The following CDADC1 variants were observed in gnomAD, a reference collection of about 807,000 sequenced individuals.
CDADC1 encodes the protein dCTP deaminase.
Under a neutral mutation model 54.9 loss-of-function variants are expected in CDADC1, and 39 were observed. The observed-to-expected ratio is 0.71, with a 90% CI of 0.55 to 0.93. The LOEUF (loss-of-function observed/expected upper bound fraction) is 0.93. Among genes scored for constraint, CDADC1 ranks in the 40% least tolerant of loss-of-function variants. The probability of loss-of-function intolerance (pLI) is 0.00; values close to 1 mark genes in which losing one functional copy is unlikely to be tolerated. For synonymous variants in CDADC1, 186 were observed against 204.0 expected, an observed-to-expected ratio of 0.91 and a Z score of 0.75; for missense variants, 518 against 618.8, an observed-to-expected ratio of 0.84 and a Z score of 1.73.
At chr13:49,252,205 T>G (rs1952450536) in intron 2 of CDADC1, among the ~76,000 whole-genome samples, 1 of 152,194 alleles carries the variant, frequency 6.6e-6, no homozygotes, top group African/African-American at 2.4e-5. Context: ...TTTCCAGCTG[T>G]GCTCCCATAC....
intron 8 of CDADC1, among the ~76,000 whole-genome samples, chr13:49,285,148 ATTTTCTTTTTC>A (rs1353658214): frequency 6.7e-6 from 1 of 149,482 alleles, no homozygotes; most frequent in African/African-American, 2.5e-5. Flanking sequence ...TCTTGGTCAT[ATTTTCTTTTTC>A]TTTTCTTTTT....
chr13:49,271,907 C>T (rs1305075784), intron 5 of CDADC1, among the ~76,000 whole-genome samples: 2 of 152,196 alleles, frequency 1.3e-5, no homozygotes, highest in Non-Finnish European at 2.9e-5. Flanking sequence ...GAAATTACCT[C>T]ATCTGTCACC....
At chr13:49,279,328 C>T (rs1195014770) in intron 7 of CDADC1, among the ~76,000 whole-genome samples, 3 of 152,030 alleles carry the variant, frequency 2.0e-5, no homozygotes, top group Non-Finnish European at 2.9e-5. Context: ...TGGGAGAGTG[C>T]AAGGGAAAGG....
At chr13:49,286,110 A>G in intron 8 of CDADC1, 112 bp from the exon 9 acceptor site, 1 of 856,760 alleles carries the variant, frequency 1.2e-6, no homozygotes, top group Non-Finnish European at 1.9e-6. Flanking sequence ...CACTATGCCC[A>G]GCCATTTTTC....
chr13:49,287,857 A>G (rs1046984460), intron 9 of CDADC1, among the ~76,000 whole-genome samples: 2 of 152,044 alleles, frequency 1.3e-5, no homozygotes, highest in South Asian at 4.1e-4. Flanking sequence ...CTGTGGTCCC[A>G]GCTACTCAGG....
intron 2 of CDADC1, among the ~76,000 whole-genome samples, chr13:49,253,449 A>T (rs1952478494): frequency 6.6e-6 from 1 of 152,176 alleles, no homozygotes; most frequent in Admixed American, 6.5e-5. Context: ...TTAGTCTAGT[A>T]ATTTAGAGTA....
At chr13:49,257,391 C>T (rs1006932310) in intron 3 of CDADC1, among the ~76,000 whole-genome samples, 1 of 152,128 alleles carries the variant, frequency 6.6e-6, no homozygotes, top group Non-Finnish European at 1.5e-5. Context: ...TCCCTTGCAG[C>T]CACTTCCACT....
intron 5 of CDADC1, among the ~76,000 whole-genome samples, chr13:49,269,536 G>A (rs7992080): frequency 0.23 from 35,249 of 152,042 alleles, 4,203 homozygotes; most frequent in South Asian, 0.27. Flanking sequence ...TTGTGTAAAA[G>A]TCTGGTTTCA....
chr13:49,250,067 C>T (rs1037540200), intron 2 of CDADC1, among the ~76,000 whole-genome samples: 1 of 152,164 alleles, frequency 6.6e-6, no homozygotes, highest in Non-Finnish European at 1.5e-5. Flanking sequence ...TCTCACCACT[C>T]TAACAACATT....
intron 5 of CDADC1, among the ~76,000 whole-genome samples, chr13:49,274,083 C>A (rs1953036861): frequency 6.6e-6 from 1 of 152,138 alleles, no homozygotes; most frequent in Non-Finnish European, 1.5e-5. Flanking sequence ...TTGGTAGTGA[C>A]TCTCTCTAGT....
At position 49,268,182 on chromosome 13, in the gene CDADC1, T is replaced by C. The variant is rs947941938; in HGVS notation, c.1000+123T>C. 5.1e-6 allele frequency: 4 copies of C among 782,114 alleles called. No individual in the cohort carries two copies. The African/African-American group carries it at 5.3e-5, about 10-fold the overall frequency. 48.4% of individuals were successfully genotyped at this position (782,114 alleles called of 1,614,324 possible). On this transcript the variant is annotated intron_variant, in intron 5 of 9. Transcript: ENST00000251108. ...TACTTAAGTTTTGCTGTTCATACAA[T>C]ATAGAGAAGTTAGTGAGACCCTTGA...
Position 49,293,436 on chromosome 13 carries a change from TTTC to T in CDADC1, c.*1684_*1686del, listed in dbSNP as rs1425671978. On this transcript the variant is annotated 3_prime_UTR_variant, in exon 10 of 10. Transcript: ENST00000251108. ...AGAGAGGCATGATAATGCCATTTTTTTTCTTCTGTACAACTGGTCAGATTTCAA... is the reference window on the plus strand; with the variant it reads ...AGAGAGGCATGATAATGCCATTTTTTTTCTGTACAACTGGTCAGATTTCAA... The T allele has an allele frequency of 1.3e-5, 2 of 152,204 alleles. No homozygotes were observed. The highest frequency in any genetic ancestry group is 2.4e-5 in the African/African-American group (1 of 41,442). 9.4% of individuals were successfully genotyped at this position (152,204 alleles called of 1,614,324 possible).
intron 4 of CDADC1, among the ~76,000 whole-genome samples, chr13:49,260,737 CAAAA>C (rs201220019): frequency 6.6e-6 from 1 of 151,648 alleles, no homozygotes; most frequent in Admixed American, 6.6e-5. Context: ...GATCAAAAAA[CAAAA>C]AAAACTAATG....
In CDADC1 at chr13:49,267,896, T is replaced by C; in HGVS notation, c.837T>C (p.Leu279=). The change falls in exon 5 of 10, where the codon CTT becomes CTC. Residue 279 remains leucine, a synonymous_variant. Transcript: ENST00000251108. ...FSNLRQNMKD[L]ILLLATVASS... The stretch of plus-strand genomic sequence containing the variant: ...ATCTAAGGCAAAACATGAAAGACCT[T>C]ATCCTACTTTTGGCCACAGTAGCTT... The C allele has an allele frequency of 6.2e-7, 1 of 1,614,176 alleles. No individual in the cohort carries two copies. The highest frequency in any genetic ancestry group is 1.1e-5 in the South Asian group (1 of 91,082).
chr13:49,276,774 C>T (rs149470067), intron 6 of CDADC1, among the ~76,000 whole-genome samples: 1 of 152,326 alleles, frequency 6.6e-6, no homozygotes, highest in African/African-American at 2.4e-5. Context: ...CAATTTCTTA[C>T]CCTCCCCAGA....
At chr13:49,284,786 C>G (rs1301925364) in intron 8 of CDADC1, among the ~76,000 whole-genome samples, 1 of 152,192 alleles carries the variant, frequency 6.6e-6, no homozygotes, top group African/African-American at 2.4e-5. Context: ...GTGATGTTAA[C>G]TAGTTAATCT....
intron 8 of CDADC1, among the ~76,000 whole-genome samples, chr13:49,281,061 T>C (rs890798425): frequency 1.3e-5 from 2 of 152,056 alleles, no homozygotes; most frequent in East Asian, 3.9e-4. Context: ...CTCAAACTCC[T>C]GAGCTCAGGT....
intron 5 of CDADC1, among the ~76,000 whole-genome samples, chr13:49,269,781 C>T (rs1248657785): frequency 1.3e-5 from 2 of 152,148 alleles, no homozygotes; most frequent in Admixed American, 1.3e-4. Flanking sequence ...CCTCTTGCTT[C>T]TCATAGAACA....
chr13:49,248,326 C>G (rs948555943), intron 1 of CDADC1: 4 of 550,784 alleles, frequency 7.3e-6, no homozygotes, highest in Non-Finnish European at 1.3e-5. Flanking sequence ...CGCTTTTTAC[C>G]CCTGTTAGCT....
Sources: gnomAD v4.1 joint callset for allele counts (sites outside exome capture counted in the v4.1 genomes callset) on GRCh38, gnomAD v4.1.1 for gene constraint, MANE v1.5 for transcripts, NCBI Gene and HGNC (gene_info 2026-07-23, HGNC 2026-07-21) for gene names.